CWC27: variants seen among roughly 807,000 people sequenced by gnomAD.
CWC27 encodes spliceosome-associated protein CWC27 homolog.
CWC27 carries 47 observed loss-of-function variants against 63.6 expected under a neutral mutation model. The ratio of observed to expected loss-of-function variants is 0.74; its 90% CI spans 0.58 to 0.94. CWC27 has a LOEUF of 0.94. Among genes scored for constraint, CWC27 ranks in the 40% least tolerant of loss-of-function variants. CWC27 has a pLI of 0.00. For missense variants in CWC27, 495 were observed against 554.3 expected, an observed-to-expected ratio of 0.89 and a Z score of 1.07; for synonymous variants, 175 against 179.8, an observed-to-expected ratio of 0.97 and a Z score of 0.22.
At chr5:64,978,012 C>G (rs1367689897) in intron 13 of CWC27, among the ~76,000 whole-genome samples, 1 of 152,114 alleles carries the variant, frequency 6.6e-6, no homozygotes, top group Non-Finnish European at 1.5e-5. Flanking sequence ...TCTGAACCAT[C>G]ACATGTGCCA....
intron 13 of CWC27, among the ~76,000 whole-genome samples, chr5:64,992,617 C>T (rs1229161107): frequency 6.6e-6 from 1 of 151,806 alleles, no homozygotes; most frequent in Non-Finnish European, 1.5e-5. Flanking sequence ...CTGCAAGCTC[C>T]GCCTCCTGGG....
intron 13 of CWC27, among the ~76,000 whole-genome samples, chr5:64,995,221 G>A (rs560167636): frequency 5.3e-5 from 8 of 151,884 alleles, no homozygotes; most frequent in East Asian, 1.9e-4. Flanking sequence ...ATCCGCCCAC[G>A]TCAGCCTCCC....
intron 10 of CWC27, among the ~76,000 whole-genome samples, chr5:64,811,125 T>C (rs1322556352): frequency 6.6e-6 from 1 of 152,038 alleles, no homozygotes; most frequent in Non-Finnish European, 1.5e-5. Flanking sequence ...TCCATGTAAG[T>C]CTAATATCCA....
intron 11 of CWC27, among the ~76,000 whole-genome samples, chr5:64,946,891 CT>C (rs935487874): frequency 6.6e-6 from 1 of 152,020 alleles, no homozygotes; most frequent in African/African-American, 2.4e-5. Flanking sequence ...GTTAATCTGC[CT>C]GATGAAAAAG....
intron 13 of CWC27, among the ~76,000 whole-genome samples, chr5:65,002,888 G>C (rs554215303): frequency 2.6e-5 from 4 of 152,222 alleles, no homozygotes; most frequent in Non-Finnish European, 4.4e-5. Flanking sequence ...GTGGGTTGTT[G>C]AAGTCTCCAA....
At chr5:65,006,135 A>G (rs932374374) in intron 13 of CWC27, among the ~76,000 whole-genome samples, 2 of 152,178 alleles carry the variant, frequency 1.3e-5, no homozygotes, top group African/African-American at 4.8e-5. Context: ...GTCAACAATT[A>G]TCCAGACACT....
chr5:64,990,270 T>G (rs1438747273), intron 13 of CWC27, among the ~76,000 whole-genome samples: 7 of 77,876 alleles, frequency 9.0e-5, no homozygotes, highest in East Asian at 5.8e-4. Context: ...TTTTTTGTTT[T>G]TTTTTTTTTT....
At chr5:64,827,271 T>G (rs558834778) in intron 10 of CWC27, among the ~76,000 whole-genome samples, 2 of 152,302 alleles carry the variant, frequency 1.3e-5, no homozygotes, top group African/African-American at 4.8e-5. Flanking sequence ...ATTTGAGATT[T>G]GGAAGGTACC....
At chr5:64,920,513 C>A (rs1747976941) in intron 11 of CWC27, among the ~76,000 whole-genome samples, 1 of 151,998 alleles carries the variant, frequency 6.6e-6, no homozygotes, top group South Asian at 2.1e-4. Flanking sequence ...GAATCCCCGT[C>A]CCTCAATTTT....
At chr5:64,818,362 T>C (rs1004471899) in intron 10 of CWC27, among the ~76,000 whole-genome samples, 1 of 152,224 alleles carries the variant, frequency 6.6e-6, no homozygotes. Context: ...TATAATGACT[T>C]CCTGCCAATT....
At chr5:64,888,023 T>C (rs1747118574) in intron 11 of CWC27, among the ~76,000 whole-genome samples, 2 of 152,036 alleles carry the variant, frequency 1.3e-5, no homozygotes, top group African/African-American at 4.8e-5. Context: ...GTCTACTTAG[T>C]GCCCAGCTCT....
intron 13 of CWC27, among the ~76,000 whole-genome samples, chr5:65,012,071 A>C (rs1000769024): frequency 6.6e-6 from 1 of 152,174 alleles, no homozygotes; most frequent in Non-Finnish European, 1.5e-5. Context: ...AATTTCTTTA[A>C]TGTCCAACCT....
intron 2 of CWC27, among the ~76,000 whole-genome samples, chr5:64,776,165 G>A (rs1282224265): frequency 6.6e-6 from 1 of 150,620 alleles, no homozygotes; most frequent in East Asian, 1.9e-4. Context: ...AATTGCTGTG[G>A]CAGGCAGGAA....
chr5:64,955,203 A>G (rs1278099376), intron 11 of CWC27, among the ~76,000 whole-genome samples: 1 of 152,140 alleles, frequency 6.6e-6, no homozygotes, highest in Middle Eastern at 3.2e-3. Flanking sequence ...AATAATAATA[A>G]TACCTCATTT....
At chr5:64,800,765 G>C (rs1194741843) in intron 8 of CWC27, among the ~76,000 whole-genome samples, 1 of 152,142 alleles carries the variant, frequency 6.6e-6, no homozygotes, top group Non-Finnish European at 1.5e-5. Flanking sequence ...ATACTTTGAG[G>C]AGTTAACAGA....
At chr5:64,827,768 T>C (rs1745402058) in intron 10 of CWC27, among the ~76,000 whole-genome samples, 1 of 152,144 alleles carries the variant, frequency 6.6e-6, no homozygotes, top group African/African-American at 2.4e-5. Context: ...ATATCCATGG[T>C]TTTGCTTTCC....
chr5:64,800,398 G>C (rs1744448531), intron 8 of CWC27, 71 bp downstream of exon 8: 1 of 1,147,648 alleles, frequency 8.7e-7, no homozygotes, highest in African/African-American at 1.6e-5. Flanking sequence ...CTTCTTCTGT[G>C]AGTAAACAGT....
At chr5:64,872,434 T>C (rs1035282183) in intron 10 of CWC27, among the ~76,000 whole-genome samples, 2 of 152,226 alleles carry the variant, frequency 1.3e-5, no homozygotes, top group African/African-American at 2.4e-5. Context: ...ATCACTTATA[T>C]GCAGCTTCAT....
At chr5:64,839,845 G>T (rs1461114507) in intron 10 of CWC27, among the ~76,000 whole-genome samples, 1 of 152,108 alleles carries the variant, frequency 6.6e-6, no homozygotes, top group Non-Finnish European at 1.5e-5. Context: ...GGAAAAGTTG[G>T]TTGTGAAAAA....
Sources: allele counts gnomAD v4.1 joint callset (sites outside exome capture counted in the v4.1 genomes callset), GRCh38; gene constraint gnomAD v4.1.1; transcripts MANE v1.5; gene names NCBI Gene and HGNC (gene_info 2026-07-23, HGNC 2026-07-21).